Variants in RBM10 observed in about 807,000 individuals in gnomAD.
RBM10 encodes RNA-binding protein 10.
RBM10 carries 1 observed loss-of-function variant against 84.9 expected under a neutral mutation model. The observed-to-expected ratio is 0.01, with a 90% confidence interval of 0.00 to 0.06. The LOEUF is 0.06. Ranked by LOEUF, RBM10 falls within the 10% of genes least tolerant of loss-of-function variation. The probability of loss-of-function intolerance (pLI) is 1.00; values close to 1 mark genes in which losing one functional copy is unlikely to be tolerated. For missense variants in RBM10, 438 were observed against 839.0 expected (o/e 0.52, Z 5.90); for synonymous variants, 326 against 344.5 (o/e 0.95, Z 0.60).
chrX:47,154,824 G>A (rs1267843229), intron 2 of RBM10, among the ~76,000 whole-genome samples: 1 of 109,814 alleles, frequency 9.1e-6, no homozygotes, highest in Admixed American at 9.8e-5. Flanking sequence ...ACCACTGACA[G>A]TGATTTCTTC....
chrX:47,155,237 C>T (rs934454740), intron 2 of RBM10, among the ~76,000 whole-genome samples: 1 of 109,183 alleles, frequency 9.2e-6, no homozygotes, highest in Non-Finnish European at 1.9e-5. Context: ...ATCCCCATTA[C>T]CTAGAACAGT....
chrX:47,180,342 T>TG, intron 11 of RBM10, 33 bp downstream of exon 11: 2 of 1,059,422 alleles, frequency 1.9e-6, no homozygotes, highest in Non-Finnish European at 1.3e-6. Context: ...TTCCCACCCT[T>TG]CCCCTCCCCA....
rs183665901 is a variant in RBM10 at position 47,171,687 on chromosome X, T to G, written c.432+429T>G. ...ATTTTCTGAAATTTCCTTCTCTTTTTCCCCCATCCTTTTTTGTCAGCAGCC... is the reference window on the plus strand; with the variant it reads ...ATTTTCTGAAATTTCCTTCTCTTTTGCCCCCATCCTTTTTTGTCAGCAGCC... On this transcript the variant is annotated intron_variant, in intron 4 of 23. Coordinates refer to ENST00000377604, the MANE Select transcript of RBM10 (RefSeq NM_005676.5). 2.0e-4 allele frequency among the ~76,000 whole-genome samples: 22 copies of G among 112,278 alleles called. 1 individual carries two copies. Among genetic ancestry groups the G allele is most frequent in the African/African-American group, 7.1e-4 (22 of 30,912 alleles).
chrX:47,155,577 A>C, intron 2 of RBM10, among the ~76,000 whole-genome samples: 1 of 106,294 alleles, frequency 9.4e-6, no homozygotes, highest in South Asian at 4.3e-4. Flanking sequence ...CTAAAAATAC[A>C]AAAAAATTAG....
chrX:47,184,303 A>AT (rs141061993), intron 17 of RBM10, among the ~76,000 whole-genome samples: 54,104 of 108,450 alleles, frequency 0.5, 11,458 homozygotes, highest in Non-Finnish European at 0.66. Context: ...CTAATTTTGT[A>AT]TTTTTTTAGT....
Position 47,181,933 on chromosome X carries a change from G to T in RBM10, c.1694-18G>T. 8.3e-7 allele frequency: 1 copy of T among 1,210,801 alleles called. No individual in the cohort carries two copies. The highest frequency in any genetic ancestry group is 1.1e-6 in the Non-Finnish European group (1 of 895,282). ...ATAAAGCAGGGAATAGTGTGACCCC[G>T]TTCCCCTCACCCCCTAGCTGTTCCC... is the stretch of plus-strand genomic sequence containing the variant. On this transcript the variant is annotated intron_variant, in intron 15 of 23. Coordinates refer to ENST00000377604, the MANE Select transcript of RBM10 (RefSeq NM_005676.5).
chrX:47,175,423 TG>T (rs1205185507), intron 6 of RBM10, among the ~76,000 whole-genome samples: 3 of 108,972 alleles, frequency 2.8e-5, no homozygotes, highest in East Asian at 2.9e-4. Context: ...CCGGGGCTGG[TG>T]GGGGGGGCAC....
chrX:47,180,078 C>G (rs782545941), intron 10 of RBM10, 38 bp downstream of exon 10: 2 of 1,205,534 alleles, frequency 1.7e-6, no homozygotes, highest in Non-Finnish European at 2.2e-6. Flanking sequence ...CAGCCAGGGT[C>G]CCGGCCCCCG....
chrX:47,182,329 G>T lies in RBM10; in HGVS notation c.1950+3G>T. ...ACAAGACCAAGACAGCTCAACAGGT[G>T]AACACCAGGGTCCAGCAGTCACTGG... On this transcript the variant is annotated splice_donor_region_variant and intron_variant, in intron 17 of 23. Coordinates refer to ENST00000377604, the MANE Select transcript of RBM10 (RefSeq NM_005676.5). The T allele has an allele frequency of 8.3e-7, 1 of 1,201,034 alleles. No individual in the cohort carries two copies. Among genetic ancestry groups the T allele is most frequent in the South Asian group, 1.8e-5 (1 of 55,461 alleles).
Position 47,185,821 on chromosome X carries a change from C to T in RBM10, c.2430+31C>T, listed in dbSNP as rs375788642. On this transcript the variant is annotated intron_variant, in intron 21 of 23. Coordinates refer to ENST00000377604, the MANE Select transcript of RBM10 (RefSeq NM_005676.5). The stretch of plus-strand genomic sequence containing the variant: ...GTGTGACCTGACCCTGGGCTCCCTC[C>T]CCTGTGTCCCTTCCAAGTCCCCATC... 4.2e-6 allele frequency: 5 copies of T among 1,203,163 alleles called. No individual in the cohort carries two copies. The African/African-American group carries it at 7.0e-5, about 17-fold the overall frequency.
chrX:47,173,888 C>CCTCTCTCT (rs1934867897), intron 5 of RBM10, among the ~76,000 whole-genome samples: 2 of 27,294 alleles, frequency 7.3e-5, no homozygotes, highest in African/African-American at 1.8e-4. Context: ...CCCACACCTC[C>CCTCTCTCT]ATCTCTCTCT....
intron 2 of RBM10, 62 bp from the exon 3 acceptor site, chrX:47,169,253 C>G (rs1934460327): frequency 9.2e-7 from 1 of 1,091,733 alleles, no homozygotes; most frequent in Non-Finnish European, 1.2e-6. Context: ...ATCACCTGGG[C>G]CTCTTGCACC....
rs35919377 is a variant in RBM10, at chrX:47,163,859, A to ATTTTTTT, written c.18-5435_18-5429dup. ...AGGCGCCTGCCACCACGCCTGGCTA[A>ATTTTTTT]TTTTTTTTTTTTTTTTTTTTTTTTT... On this transcript the variant is annotated intron_variant, in intron 2 of 23. Transcript: ENST00000377604. 3.7e-4 allele frequency among the ~76,000 whole-genome samples: 15 copies of ATTTTTTT among 40,105 alleles called. 1 individual carries two copies. The highest frequency in any genetic ancestry group is 2.3e-3 in the African/African-American group (14 of 6,217). 34.8% of individuals were successfully genotyped at this position (40,105 alleles called of 115,157 possible).
rs1282933372 is a variant in RBM10 at position 47,166,758 on chromosome X, C to A, written c.18-2557C>A. On this transcript the variant is annotated intron_variant, in intron 2 of 23. Coordinates refer to ENST00000377604, the MANE Select transcript of RBM10 (RefSeq NM_005676.5). ...AAAGTGCTGGGATTACAGGATGAGC[C>A]ATCTCACCTAGCAAAATTTTCTTTT... Among the ~76,000 whole-genome samples, 3 of 108,288 alleles carry A rather than the reference C, an allele frequency of 2.8e-5. No individual in the cohort carries two copies. The East Asian group carries it at 8.7e-4, about 31-fold the overall frequency. The allele number at this position is 108,288 out of a possible 115,157, so 94.0% of individuals were successfully genotyped here.
At chrX:47,169,814 A>G (rs1331591765) in intron 3 of RBM10, among the ~76,000 whole-genome samples, 4 of 112,058 alleles carry the variant, frequency 3.6e-5, no homozygotes, top group African/African-American at 1.3e-4. Flanking sequence ...CTCCCAGCCA[A>G]CTTGGGCACT....
chrX:47,164,641 G>C (rs1934025858), intron 2 of RBM10, among the ~76,000 whole-genome samples: 1 of 112,210 alleles, frequency 8.9e-6, no homozygotes, highest in South Asian at 3.7e-4. Flanking sequence ...AGGATGCGGG[G>C]AAATTGGAAC....
chrX:47,175,773 C>T (rs1382632052), intron 6 of RBM10, among the ~76,000 whole-genome samples: 4 of 110,924 alleles, frequency 3.6e-5, no homozygotes, highest in Non-Finnish European at 7.6e-5. Context: ...TGGGGGGAGC[C>T]TGTCCCCCAA....
At chrX:47,151,590 TTG>T (rs1241776673) in intron 2 of RBM10, among the ~76,000 whole-genome samples, 1 of 111,885 alleles carries the variant, frequency 8.9e-6, no homozygotes, top group Non-Finnish European at 1.9e-5. Context: ...CTTTGGCTGG[TTG>T]TGGCAGAAAG....
chrX:47,180,347 T>A (rs782813812), intron 11 of RBM10, 38 bp downstream of exon 11: 3 of 213,921 alleles, frequency 1.4e-5, no homozygotes, highest in African/African-American at 1.5e-4. Context: ...ACCCTTCCCC[T>A]CCCCACCCTC....
Sources: allele counts gnomAD v4.1 joint callset (sites outside exome capture counted in the v4.1 genomes callset), GRCh38; gene constraint gnomAD v4.1.1; transcripts MANE v1.5; gene names NCBI Gene and HGNC (gene_info 2026-07-23, HGNC 2026-07-21).